The following ADORA2B variants were observed in gnomAD, a reference collection of about 807,000 sequenced individuals.
ADORA2B encodes the protein adenosine receptor A2b.
Under a neutral mutation model 20.8 loss-of-function variants are expected in ADORA2B, and 18 were observed. The ratio of observed to expected loss-of-function variants is 0.87; its 90% CI spans 0.60 to 1.29. The LOEUF is 1.29. Among genes scored for constraint, ADORA2B ranks in the 50% most tolerant of loss-of-function variants. The pLI, the probability that ADORA2B is intolerant of heterozygous loss-of-function variation, is 0.00. For missense variants in ADORA2B, 441 were observed against 422.7 expected, an observed-to-expected ratio of 1.04 and a Z score of -0.38; for synonymous variants, 179 against 178.3, an observed-to-expected ratio of 1.00 and a Z score of -0.03.
rs148424704 is a variant in ADORA2B, at chr17:15,975,604, C to CTT, written c.*265_*266dup. ...CAGCTTGAATGGATTCTAACAGACT[C>CTT]TTTTGTTTTTAAAAGTCTGCCTTGT... On this transcript the variant is annotated 3_prime_UTR_variant, in exon 2 of 2. Transcript: ENST00000304222. The CTT allele has an allele frequency of 4.5e-6, 2 of 444,500 alleles. No individual in the cohort carries two copies. Among genetic ancestry groups the CTT allele is most frequent in the East Asian group, 3.6e-5 (1 of 27,558 alleles). 27.5% of individuals were successfully genotyped at this position (444,500 alleles called of 1,614,324 possible). A position where few individuals can be genotyped will look rare whatever the true frequency, so the allele number is the denominator to read the frequency against.
the ADORA2B span, among the ~76,000 whole-genome samples, chr17:15,902,906 G>A: frequency 3.5e-3 from 532 of 152,352 alleles, 6 homozygotes; most frequent in African/African-American, 0.012. Context: ...TGTCATGGCA[G>A]GTTGTGATGG....
the ADORA2B span, among the ~76,000 whole-genome samples, chr17:15,865,732 T>A: frequency 6.6e-6 from 1 of 151,720 alleles, no homozygotes; most frequent in Non-Finnish European, 1.5e-5. Flanking sequence ...CTTATGGATT[T>A]TCACAAAAGT....
the ADORA2B span, among the ~76,000 whole-genome samples, chr17:15,894,910 AGGATACTGG>A: frequency 6.6e-6 from 1 of 152,266 alleles, no homozygotes; most frequent in East Asian, 1.9e-4. Flanking sequence ...CAGAATCAGT[AGGATACTGG>A]GGATAGTGGG....
At chr17:15,966,171 G>A (rs1459928353) in intron 1 of ADORA2B, among the ~76,000 whole-genome samples, 1 of 152,226 alleles carries the variant, frequency 6.6e-6, no homozygotes, top group Non-Finnish European at 1.5e-5. Flanking sequence ...TTGTGAGCTA[G>A]ATAGACTATA....
the ADORA2B span, among the ~76,000 whole-genome samples, chr17:15,916,664 A>G: frequency 1.3e-5 from 2 of 152,192 alleles, no homozygotes; most frequent in Non-Finnish European, 2.9e-5. Flanking sequence ...GTCAATCTTT[A>G]ATTACCAGGC....
the ADORA2B span, among the ~76,000 whole-genome samples, chr17:15,933,149 G>T: frequency 2.6e-5 from 4 of 152,046 alleles, no homozygotes; most frequent in South Asian, 8.3e-4. Context: ...TGGAGATGGG[G>T]TTTCACCGTG....
chr17:15,935,920 G>A, the ADORA2B span, among the ~76,000 whole-genome samples: 4 of 151,012 alleles, frequency 2.6e-5, no homozygotes, highest in South Asian at 2.1e-4. Flanking sequence ...AGGCTGGAGG[G>A]TGGTGTCGTC....
At chr17:15,866,110 C>T in the ADORA2B span, among the ~76,000 whole-genome samples, 12 of 152,214 alleles carry the variant, frequency 7.9e-5, no homozygotes, top group East Asian at 3.9e-4. Context: ...AGGTGAATAG[C>T]GCTGTTATGT....
chr17:15,908,011 G>A, the ADORA2B span, among the ~76,000 whole-genome samples: 1 of 152,176 alleles, frequency 6.6e-6, no homozygotes, highest in African/African-American at 2.4e-5. Flanking sequence ...TGGGAGCCTG[G>A]GGAATTAGAA....
chr17:15,971,450 T>A (rs1207000638), intron 1 of ADORA2B, among the ~76,000 whole-genome samples: 2 of 152,062 alleles, frequency 1.3e-5, no homozygotes, highest in East Asian at 3.8e-4. Context: ...TAAGAGGGAG[T>A]AGAAAAGATT....
chr17:15,974,998 A>G lies in ADORA2B; in HGVS notation c.655A>G (p.Met219Val), dbSNP rs747334781. 5 of 1,614,170 alleles carry G rather than the reference A, an allele frequency of 3.1e-6. No individual in the cohort carries two copies. The Admixed American group carries it at 8.3e-5, about 27-fold the overall frequency. The change falls in exon 2 of 2, where the codon ATG becomes GTG. Residue 219 changes from methionine (M) to valine (V), a missense_variant. By Grantham distance (21) the Met-to-Val change is conservative (BLOSUM62 1). Transcript: ENST00000304222. ...CAGGCAGCTTCAGCGCACTGAGCTGATGGACCACTCGAGGACCACCCTCCA... is the reference window on the plus strand; with the variant it reads ...CAGGCAGCTTCAGCGCACTGAGCTGGTGGACCACTCGAGGACCACCCTCCA... The part of the protein sequence containing the change: ...ACRQLQRTEL[M>V]DHSRTTLQRE...
chr17:15,922,773 G>T, the ADORA2B span, among the ~76,000 whole-genome samples: 2 of 152,200 alleles, frequency 1.3e-5, no homozygotes, highest in Non-Finnish European at 2.9e-5. Flanking sequence ...TCCTGTGGGA[G>T]CTGGATTAAC....
chr17:15,923,206 A>ATTCTTTTTTTT, the ADORA2B span, among the ~76,000 whole-genome samples: 2 of 113,530 alleles, frequency 1.8e-5, no homozygotes, highest in African/African-American at 7.2e-5. Flanking sequence ...TCTTTTTTTA[A>ATTCTTTTTTTT]TTTTTTTTTT....
chr17:15,918,794 G>C, the ADORA2B span, among the ~76,000 whole-genome samples: 649 of 152,274 alleles, frequency 4.3e-3, 2 homozygotes, highest in Non-Finnish European at 7.6e-3. Flanking sequence ...CTTAGCGTAA[G>C]TACACCTCCT....
upstream of ADORA2B, among the ~76,000 whole-genome samples, chr17:15,943,395 C>T (rs564685171): frequency 2.0e-5 from 3 of 152,182 alleles, no homozygotes; most frequent in Non-Finnish European, 4.4e-5. Context: ...GGCATGATCC[C>T]AGCTCACTGC....
chr17:15,947,831 G>T (rs1226883368), intron 1 of ADORA2B, among the ~76,000 whole-genome samples: 1 of 152,226 alleles, frequency 6.6e-6, no homozygotes, highest in African/African-American at 2.4e-5. Context: ...AATCTCTGGA[G>T]TGGGTGTCGA....
chr17:15,854,926 C>CTT, the ADORA2B span, among the ~76,000 whole-genome samples: 5 of 140,868 alleles, frequency 3.5e-5, no homozygotes, highest in Non-Finnish European at 6.2e-5. Flanking sequence ...GGATTTAACT[C>CTT]TTTTTTTTTT....
chr17:15,905,412 C>T, the ADORA2B span, among the ~76,000 whole-genome samples: 1 of 152,198 alleles, frequency 6.6e-6, no homozygotes, highest in African/African-American at 2.4e-5. Flanking sequence ...AACGGAGTCT[C>T]GCTCTGTCAC....
the ADORA2B span, among the ~76,000 whole-genome samples, chr17:15,851,358 C>G: frequency 6.7e-6 from 1 of 149,444 alleles, no homozygotes; most frequent in Non-Finnish European, 1.5e-5. Flanking sequence ...CTGCCAGAAT[C>G]AGGAAGTCTT....
Sources: gnomAD v4.1 joint callset for allele counts (sites outside exome capture counted in the v4.1 genomes callset) on GRCh38, gnomAD v4.1.1 for gene constraint, MANE v1.5 for transcripts, NCBI Gene and HGNC (gene_info 2026-07-23, HGNC 2026-07-21) for gene names.